SEMA3C: variants seen among roughly 807,000 people sequenced by gnomAD.
SEMA3C encodes semaphorin-3C.
Under a neutral mutation model 89.4 loss-of-function variants are expected in SEMA3C, and 47 were observed. The observed-to-expected ratio is 0.53, with a 90% CI of 0.42 to 0.67. The LOEUF (loss-of-function observed/expected upper bound fraction) is 0.67. Ranked by LOEUF, SEMA3C falls within the 30% of genes least tolerant of loss-of-function variation. SEMA3C has a pLI of 0.00. For synonymous variants in SEMA3C, 310 were observed against 320.2 expected, an observed-to-expected ratio of 0.97 and a Z score of 0.34; for missense variants, 839 against 929.1, an observed-to-expected ratio of 0.90 and a Z score of 1.26.
intron 15 of SEMA3C, among the ~76,000 whole-genome samples, chr7:80,753,183 C>T (rs1340344660): frequency 6.6e-6 from 1 of 152,118 alleles, no homozygotes; most frequent in Non-Finnish European, 1.5e-5. Context: ...TTTCTGTACA[C>T]ACGAAAACAG....
chr7:80,776,677 C>T (rs557516676), intron 12 of SEMA3C, among the ~76,000 whole-genome samples: 6 of 152,122 alleles, frequency 3.9e-5, no homozygotes, highest in Non-Finnish European at 7.4e-5. Flanking sequence ...CAACATATTA[C>T]CAACGGATTC....
At position 80,805,730 on chromosome 7, in the gene SEMA3C, T is replaced by C; in HGVS notation, c.567A>G (p.Ile189Met). Residue 189 changes from isoleucine to methionine, a missense_variant, in exon 7 of 18, where the codon ATA (isoleucine) becomes ATG (methionine). Coordinates refer to ENST00000265361, the MANE Select transcript of SEMA3C (RefSeq NM_006379.5). ...INEELFSGMY[I>M]DFMGTDAAIF... ...TAGCAGCATCTGTCCCCATGAAATC[T>C]ATATACATTCCAGAGAAAAGCTCCT... 1 of 1,606,094 alleles carries C rather than the reference T, an allele frequency of 6.2e-7. No homozygotes were observed. The highest frequency in any genetic ancestry group is 8.5e-7 in the Non-Finnish European group (1 of 1,173,540).
At chr7:80,784,724 G>A (rs1788763555) in intron 12 of SEMA3C, among the ~76,000 whole-genome samples, 1 of 152,206 alleles carries the variant, frequency 6.6e-6, no homozygotes, top group Admixed American at 6.5e-5. Context: ...CAGATGAAAT[G>A]TAAATGAATG....
At chr7:80,828,559 T>C (rs917276034) in intron 3 of SEMA3C, 26 bp downstream of exon 3, 15 of 1,571,042 alleles carry the variant, frequency 9.5e-6, no homozygotes, top group Admixed American at 3.5e-5. Context: ...AGGTGGACAC[T>C]GTCCTCGTGA....
chr7:80,877,490 A>G (rs1479573980), intron 2 of SEMA3C, among the ~76,000 whole-genome samples: 2 of 152,204 alleles, frequency 1.3e-5, no homozygotes, highest in Non-Finnish European at 2.9e-5. Flanking sequence ...CTCTGTAAAG[A>G]TTAATCTCAA....
chr7:80,867,274 A>C (rs1790949862), intron 2 of SEMA3C, among the ~76,000 whole-genome samples: 1 of 151,970 alleles, frequency 6.6e-6, no homozygotes, highest in African/African-American at 2.4e-5. Flanking sequence ...TTTCTTTTTA[A>C]CTTTTTTTTA....
intron 2 of SEMA3C, among the ~76,000 whole-genome samples, chr7:80,875,779 A>G (rs1791186298): frequency 6.6e-6 from 1 of 151,946 alleles, no homozygotes; most frequent in Non-Finnish European, 1.5e-5. Flanking sequence ...AAAGTGCAAG[A>G]GTAGTGATGC....
At chr7:80,797,958 A>T (rs1789105954) in intron 11 of SEMA3C, 134 bp downstream of exon 11, 2 of 801,036 alleles carry the variant, frequency 2.5e-6, no homozygotes, top group Non-Finnish European at 3.8e-6. Flanking sequence ...AGATTGCACC[A>T]CTACATTCCA....
At chr7:80,870,951 T>G (rs1162247245) in intron 2 of SEMA3C, among the ~76,000 whole-genome samples, 1 of 152,176 alleles carries the variant, frequency 6.6e-6, no homozygotes, top group East Asian at 1.9e-4. Context: ...AATGTGTATT[T>G]TTGCCTGACT....
chr7:80,792,618 T>C (rs1185724429), intron 11 of SEMA3C, among the ~76,000 whole-genome samples: 1 of 152,198 alleles, frequency 6.6e-6, no homozygotes, highest in Non-Finnish European at 1.5e-5. Flanking sequence ...CTCAAAACCA[T>C]AGTTATTAAA....
intron 4 of SEMA3C, among the ~76,000 whole-genome samples, chr7:80,824,954 A>G (rs556354466): frequency 6.0e-4 from 91 of 152,248 alleles, no homozygotes; most frequent in African/African-American, 2.0e-3. Context: ...CATTGTAAAG[A>G]CTTAAATGTA....
chr7:80,917,287 T>C (rs1288133412), intron 1 of SEMA3C, among the ~76,000 whole-genome samples: 1 of 152,224 alleles, frequency 6.6e-6, no homozygotes, highest in African/African-American at 2.4e-5. Context: ...TCATTAGCTC[T>C]TTTGGAGTAA....
chr7:80,784,468 T>A (rs562951687), intron 12 of SEMA3C, among the ~76,000 whole-genome samples: 5 of 151,964 alleles, frequency 3.3e-5, no homozygotes, highest in African/African-American at 1.2e-4. Context: ...GCATTTTTTT[T>A]TACTCAAGAT....
intron 5 of SEMA3C, among the ~76,000 whole-genome samples, chr7:80,811,026 C>G (rs999889421): frequency 6.6e-6 from 1 of 152,114 alleles, no homozygotes. Context: ...CGTTGAACAT[C>G]AGCCAAAAGA....
At chr7:80,786,614 T>C (rs1182619561) in intron 12 of SEMA3C, among the ~76,000 whole-genome samples, 1 of 152,206 alleles carries the variant, frequency 6.6e-6, no homozygotes, top group African/African-American at 2.4e-5. Flanking sequence ...TAAAAGCAAA[T>C]CTTTGTAGTC....
intron 2 of SEMA3C, among the ~76,000 whole-genome samples, chr7:80,858,600 G>C (rs1257454953): frequency 6.6e-6 from 1 of 152,122 alleles, no homozygotes; most frequent in African/African-American, 2.4e-5. Flanking sequence ...TAAATAATAG[G>C]CATTAGTTTT....
intron 3 of SEMA3C, among the ~76,000 whole-genome samples, 161 bp from the exon 4 acceptor site, chr7:80,827,648 T>C (rs1298911638): frequency 1.3e-5 from 2 of 152,078 alleles, no homozygotes; most frequent in Admixed American, 1.3e-4. Flanking sequence ...GATTCTATTA[T>C]TTTAACAATT....
chr7:80,884,128 TA>T (rs1376383891), intron 2 of SEMA3C, among the ~76,000 whole-genome samples: 3 of 152,152 alleles, frequency 2.0e-5, no homozygotes, highest in East Asian at 1.9e-4. Context: ...TTTATTGTTA[TA>T]AAAAAAGTGA....
At position 80,800,752 on chromosome 7, in the gene SEMA3C, A is replaced by AT; in HGVS notation, c.986+4dup. ...ACTCATAAAATGTAACTGTTGAATA[A>AT]TTACCTTGATGTTGTAAAAATGCCA... On this transcript the variant is annotated splice_donor_region_variant and intron_variant, in intron 10 of 17. Coordinates refer to ENST00000265361, the MANE Select transcript of SEMA3C (RefSeq NM_006379.5). 1 of 1,509,212 alleles carries AT rather than the reference A, an allele frequency of 6.6e-7. No individual in the cohort carries two copies. The highest frequency in any genetic ancestry group is 8.9e-7 in the Non-Finnish European group (1 of 1,118,014). 93.5% of individuals were successfully genotyped at this position (1,509,212 alleles called of 1,614,324 possible).
Sources: allele counts gnomAD v4.1 joint callset (sites outside exome capture counted in the v4.1 genomes callset), GRCh38; gene constraint gnomAD v4.1.1; transcripts MANE v1.5; gene names NCBI Gene and HGNC (gene_info 2026-07-23, HGNC 2026-07-21).